SLC12A3: variants seen among roughly 807,000 people sequenced by gnomAD.
SLC12A3 encodes the protein solute carrier family 12 member 3.
In SLC12A3, 104 loss-of-function variants were observed where a neutral mutation model predicts 121.0. The ratio of observed to expected loss-of-function variants is 0.86; its 90% CI spans 0.73 to 1.01. The LOEUF (loss-of-function observed/expected upper bound fraction) is 1.01, where lower values mean the gene tolerates loss of function less well. SLC12A3 is among the 50% of genes least tolerant of loss of function. The probability of loss-of-function intolerance (pLI) is 0.00; values close to 1 mark genes in which losing one functional copy is unlikely to be tolerated. For missense variants in SLC12A3, 1,328 were observed against 1,356.3 expected (o/e 0.98, Z 0.33); for synonymous variants, 536 against 533.4 (o/e 1.00, Z -0.07).
chr16:56,870,129 G>C lies in SLC12A3; in HGVS notation c.635G>C (p.Gly212Ala). Reference sequence around the variant, plus strand: ...TACTTCCTCATCTCCCGGAGTCTGGGCCCAGAGCTTGGGGGCTCCATCGGC... The same window carrying C: ...TACTTCCTCATCTCCCGGAGTCTGGCCCCAGAGCTTGGGGGCTCCATCGGC... ...GTYFLISRSLGPELGGSIGLI... is the reference protein window; with the variant it reads ...GTYFLISRSLAPELGGSIGLI... The change falls in exon 5 of 26, where the codon GGC (glycine) becomes GCC (alanine). Residue 212 changes from glycine to alanine, a missense_variant. Coordinates refer to ENST00000563236, the MANE Select transcript of SLC12A3 (RefSeq NM_001126108.2). The C allele has an allele frequency of 6.2e-7, 1 of 1,613,908 alleles. No homozygotes were observed. The highest frequency in any genetic ancestry group is 8.5e-7 in the Non-Finnish European group (1 of 1,180,040).
At chr16:56,893,100 G>T (rs563545939) in intron 21 of SLC12A3, 46 bp downstream of exon 21, 1 of 1,483,332 alleles carries the variant, frequency 6.7e-7, no homozygotes, top group Non-Finnish European at 9.3e-7. Flanking sequence ...CGGGGGCGGG[G>T]TGGTGGTGGT....
chr16:56,908,888 A>G (rs1048026402), intron 25 of SLC12A3, among the ~76,000 whole-genome samples: 6 of 152,210 alleles, frequency 3.9e-5, no homozygotes, highest in East Asian at 3.9e-4. Context: ...TTCCTTGGGT[A>G]TGGTGCCTGG....
chr16:56,899,128 A>G (rs528166170), intron 22 of SLC12A3, among the ~76,000 whole-genome samples: 14 of 152,278 alleles, frequency 9.2e-5, no homozygotes, highest in Admixed American at 4.6e-4. Context: ...CGCTACCCCC[A>G]TGTTCTACAA....
At position 56,880,144 on chromosome 16, in the gene SLC12A3, C is replaced by T. The variant is rs1215392195; in HGVS notation, c.1458C>T (p.Asp486=). Residue 486 remains aspartate, a synonymous_variant, in exon 12 of 26, where the codon GAC becomes GAT. Transcript: ENST00000563236. ...TGGTGCTGCAGTGCCTTTGCGAGGACCAGCTGTACCCACTGATCGGCTTCT... is the reference window on the plus strand; with the variant it reads ...TGGTGCTGCAGTGCCTTTGCGAGGATCAGCTGTACCCACTGATCGGCTTCT... ...AAKVFQCLCE[D]QLYPLIGFFG... The T allele has an allele frequency of 1.1e-5, 18 of 1,606,968 alleles. No homozygotes were observed. The highest frequency in any genetic ancestry group is 1.5e-5 in the Non-Finnish European group (18 of 1,177,744).
At chr16:56,888,600 C>A (rs2055349962) in intron 18 of SLC12A3, among the ~76,000 whole-genome samples, 1 of 131,170 alleles carries the variant, frequency 7.6e-6, no homozygotes, top group Non-Finnish European at 1.5e-5. Flanking sequence ...ACACTGTTGC[C>A]CAGGCTGGAG....
chr16:56,871,181 G>A (rs188420172), intron 6 of SLC12A3, among the ~76,000 whole-genome samples: 8 of 152,272 alleles, frequency 5.3e-5, no homozygotes, highest in Admixed American at 5.2e-4. Context: ...GGCCCAGGGT[G>A]GGCATGGTGG....
intron 1 of SLC12A3, among the ~76,000 whole-genome samples, chr16:56,865,986 C>G (rs1417193636): frequency 1.1e-5 from 1 of 94,970 alleles, no homozygotes; most frequent in Admixed American, 1.3e-4. Context: ...CTTTTCTTTT[C>G]TTTTCTTTTT....
At chr16:56,891,371 CAAA>C (rs35706137) in intron 19 of SLC12A3, among the ~76,000 whole-genome samples, 3 of 73,864 alleles carry the variant, frequency 4.1e-5, no homozygotes, top group Non-Finnish European at 5.1e-5. Flanking sequence ...GACCCTGTCT[CAAA>C]AAAAAAAAAA....
intron 14 of SLC12A3, 34 bp downstream of exon 14, chr16:56,884,238 T>A (rs758093463): frequency 6.2e-7 from 1 of 1,611,404 alleles, no homozygotes; most frequent in Non-Finnish European, 8.5e-7. Context: ...TCGGCCCTCC[T>A]CCCCCAGGGT....
At chr16:56,885,211 CCT>C in intron 14 of SLC12A3, 52 bp from the exon 15 acceptor site, 8 of 1,097,650 alleles carry the variant, frequency 7.3e-6, no homozygotes, top group Non-Finnish European at 1.1e-5. Flanking sequence ...TGTCTGGTTT[CCT>C]CTAGTGATTC....
intron 21 of SLC12A3, among the ~76,000 whole-genome samples, chr16:56,893,428 TCCTA>T: frequency 6.6e-6 from 1 of 152,264 alleles, no homozygotes; most frequent in Non-Finnish European, 1.5e-5. Context: ...GCTTTATTGC[TCCTA>T]CCTTTGATAG....
intron 14 of SLC12A3, among the ~76,000 whole-genome samples, chr16:56,884,788 G>T (rs1036762813): frequency 3.3e-5 from 5 of 152,052 alleles, no homozygotes; most frequent in Admixed American, 6.6e-5. Flanking sequence ...GGACTGGGGT[G>T]CAGTGTCTCA....
rs768842187 is a variant in SLC12A3 at position 56,899,595 on chromosome 16, A to C, written c.2699A>C (p.Asn900Thr). The change falls in exon 23 of 26, where the codon AAC becomes ACC. Residue 900 changes from asparagine to threonine, a missense_variant. By Grantham distance (65) the Asn-to-Thr change is moderately conservative (BLOSUM62 0). Transcript: ENST00000563236. ...GAAGTCCACATCCTCCCTGACATCA[A>C]CCAGAACCCTCGGGCTGAGCAGTAA... The part of the protein sequence containing the change: ...FHEVHILPDI[N>T]QNPRAEHTKR... 1 of 1,613,894 alleles carries C rather than the reference A, an allele frequency of 6.2e-7. No individual in the cohort carries two copies. The highest frequency in any genetic ancestry group is 1.1e-5 in the South Asian group (1 of 91,088).
intron 8 of SLC12A3, among the ~76,000 whole-genome samples, chr16:56,873,553 ATATTTG>A (rs2055129756): frequency 6.7e-6 from 1 of 148,506 alleles, no homozygotes; most frequent in African/African-American, 2.5e-5. Context: ...CACCCGGTTA[ATATTTG>A]TATTTTTTAG....
intron 19 of SLC12A3, among the ~76,000 whole-genome samples, chr16:56,891,428 A>C (rs1204753372): frequency 6.6e-6 from 1 of 150,786 alleles, no homozygotes; most frequent in Non-Finnish European, 1.5e-5. Context: ...AATAACGTGT[A>C]TGGCAACAAA....
intron 7 of SLC12A3, 46 bp downstream of exon 7, chr16:56,872,508 T>A: frequency 4.4e-6 from 7 of 1,588,218 alleles, no homozygotes; most frequent in Non-Finnish European, 6.0e-6. Context: ...GGACAGGGAC[T>A]CTCTACCCAG....
At chr16:56,887,229 G>A (rs780658529) in intron 17 of SLC12A3, 136 bp downstream of exon 17, 21 of 1,004,802 alleles carry the variant, frequency 2.1e-5, no homozygotes, top group Non-Finnish European at 3.1e-5. Flanking sequence ...TTTGAGACTT[G>A]TTTTACTTGT....
chr16:56,883,930 C>T (rs1285226376), intron 13 of SLC12A3, 119 bp from the exon 14 acceptor site: 17 of 1,126,246 alleles, frequency 1.5e-5, no homozygotes, highest in Middle Eastern at 2.9e-4. Context: ...CTGGTGGGTA[C>T]AGGCTGGGAC....
At chr16:56,887,798 A>ATATTTATATATATATTT (rs1433682477) in intron 17 of SLC12A3, 127 bp from the exon 18 acceptor site, 1 of 68,456 alleles carries the variant, frequency 1.5e-5, no homozygotes, top group Non-Finnish European at 2.9e-5. Context: ...ATATATATAT[A>ATATTTATATATATATTT]TTTTTTTTTT....
Sources: allele counts gnomAD v4.1 joint callset (sites outside exome capture counted in the v4.1 genomes callset), GRCh38; gene constraint gnomAD v4.1.1; transcripts MANE v1.5; gene names NCBI Gene and HGNC (gene_info 2026-07-23, HGNC 2026-07-21).